ANK3: variants seen among roughly 807,000 people sequenced by gnomAD.
ANK3 encodes ankyrin-3.
Under a neutral mutation model 370.9 loss-of-function variants are expected in ANK3, and 57 were observed. The observed-to-expected ratio is 0.15, with a 90% confidence interval of 0.12 to 0.19. ANK3 has a LOEUF of 0.19. Ranked by LOEUF, ANK3 falls within the 10% of genes least tolerant of loss-of-function variation. The pLI is 1.00. For missense variants in ANK3, 4,439 were observed against 5,302.1 expected, an observed-to-expected ratio of 0.84 and a Z score of 5.06; for synonymous variants, 1,929 against 1,946.3, an observed-to-expected ratio of 0.99 and a Z score of 0.23.
chr10:60,029,869 CTTTTTCTTTT>C (rs2072893747), intron 43 of ANK3, 43 bp from the exon 44 acceptor site: 5 of 39,388 alleles, frequency 1.3e-4, no homozygotes, highest in African/African-American at 3.2e-4. Flanking sequence ...CTTTCTTTTT[CTTTTTCTTTT>C]TTTTTTTTTT....
intron 1 of ANK3, among the ~76,000 whole-genome samples, chr10:60,309,525 A>AC (rs1333040255): frequency 1.3e-5 from 2 of 152,154 alleles, no homozygotes; most frequent in African/African-American, 4.8e-5. Context: ...GAAGAACAAG[A>AC]CCTTTAAAGT....
rs56087324 is a variant in ANK3, at chr10:60,716,387, TA to T, written c.57+16875del. Among the ~76,000 whole-genome samples the T allele has an allele frequency of 8.7e-3, 1,314 of 151,544 alleles. 13 individuals carry two copies. The highest frequency in any genetic ancestry group is 0.021 in the Middle Eastern group (6 of 292). On this transcript the variant is annotated intron_variant, in intron 1 of 43. Transcript: ENST00000373827. ...CCAAAGTATGCACTTAAATATAGGT[TA>T]AAAAAAAATTTCAAAGACAGTAGGG...
intron 2 of ANK3, among the ~76,000 whole-genome samples, chr10:60,481,769 C>T (rs1198067720): frequency 6.6e-6 from 1 of 152,082 alleles, no homozygotes; most frequent in East Asian, 1.9e-4. Flanking sequence ...CGGCCACAAG[C>T]CAGATATTTG....
chr10:60,395,582 T>C (rs925496179), intron 2 of ANK3, among the ~76,000 whole-genome samples: 27 of 126,398 alleles, frequency 2.1e-4, no homozygotes, highest in African/African-American at 7.4e-4. Flanking sequence ...CTTTCTTTCT[T>C]TCTTTCTTTC....
At position 60,093,812 on chromosome 10, in the gene ANK3, A is replaced by G. The variant is rs376741803; in HGVS notation, c.3329-5454T>C. 6.6e-5 allele frequency among the ~76,000 whole-genome samples: 10 copies of G among 152,328 alleles called. No individual in the cohort carries two copies. In the East Asian group the frequency reaches 1.7e-3, roughly 26 times the overall value. On this transcript the variant is annotated intron_variant, in intron 28 of 43. Transcript: ENST00000280772. The stretch of plus-strand genomic sequence containing the variant: ...AGTGGAAATGCTCAGATTTCTAACT[A>G]TATAAACAGAGAAGCTCCGAGGAGA...
intron 1 of ANK3, among the ~76,000 whole-genome samples, chr10:60,302,855 C>T (rs1361068129): frequency 6.6e-6 from 1 of 150,520 alleles, no homozygotes; most frequent in Admixed American, 6.6e-5. Context: ...AAAAAAAAAA[C>T]CCAGACAATT....
intron 1 of ANK3, among the ~76,000 whole-genome samples, chr10:60,283,262 A>G (rs2098193017): frequency 6.6e-6 from 1 of 152,168 alleles, no homozygotes; most frequent in South Asian, 2.1e-4. Context: ...TAGACTCAGT[A>G]TCAGTGGGTT....
intron 23 of ANK3, among the ~76,000 whole-genome samples, chr10:60,141,561 G>GTTTTTTTTTTTTTTTT (rs36033791): frequency 1.4e-4 from 7 of 49,028 alleles, no homozygotes; most frequent in African/African-American, 6.5e-4. Flanking sequence ...TTCAATTGCT[G>GTTTTTTTTTTTTTTTT]TTTTTTTTTT....
rs2096619314 is a variant in ANK3 at position 60,198,324 on chromosome 10, A to G, written c.1689+16T>C. ...TTTGGGGGGACAGAGCAGGATTCTG[A>G]GATTTGCTTTCATACCTTTGTTGTT... On this transcript the variant is annotated intron_variant, in intron 14 of 43. Coordinates refer to ENST00000280772, the MANE Select transcript of ANK3 (RefSeq NM_020987.5). 2.5e-6 allele frequency: 4 copies of G among 1,613,816 alleles called. No homozygotes were observed. Among genetic ancestry groups the G allele is most frequent in the Non-Finnish European group, 3.4e-6 (4 of 1,179,748 alleles).
chr10:60,051,626 G>A (rs1258587105), intron 42 of ANK3: 2 of 636,578 alleles, frequency 3.1e-6, no homozygotes, highest in African/African-American at 2.0e-5. Context: ...TCTGAGAAGG[G>A]AAATCAAGAA....
At chr10:60,474,814 G>T (rs77033453) in intron 2 of ANK3, among the ~76,000 whole-genome samples, 2 of 152,000 alleles carry the variant, frequency 1.3e-5, no homozygotes. Context: ...TGTATTCACA[G>T]AAAAAAGTAT....
At chr10:60,483,480 GCTCATGTTC>G (rs1174740748) in intron 2 of ANK3, among the ~76,000 whole-genome samples, 1 of 152,028 alleles carries the variant, frequency 6.6e-6, no homozygotes, top group African/African-American at 2.4e-5. Flanking sequence ...CTTTACTCAG[GCTCATGTTC>G]CTTCAAAGAT....
intron 1 of ANK3, among the ~76,000 whole-genome samples, chr10:60,653,044 A>C (rs2078812889): frequency 6.6e-6 from 1 of 152,112 alleles, no homozygotes; most frequent in Non-Finnish European, 1.5e-5. Flanking sequence ...AGACCTCTAT[A>C]ATTTCTAGGT....
intron 2 of ANK3, among the ~76,000 whole-genome samples, chr10:60,420,142 T>C (rs1158106187): frequency 2.6e-5 from 4 of 152,202 alleles, no homozygotes; most frequent in East Asian, 1.9e-4. Flanking sequence ...TTATATACCA[T>C]AGGGAAGACC....
chr10:60,453,700 G>C (rs1157404150), intron 2 of ANK3, among the ~76,000 whole-genome samples: 1 of 151,804 alleles, frequency 6.6e-6, no homozygotes, highest in East Asian at 1.9e-4. Context: ...AAACTGATAG[G>C]AAACAGCCTC....
intron 28 of ANK3, among the ~76,000 whole-genome samples, chr10:60,105,595 CATT>C (rs1251439789): frequency 6.6e-6 from 1 of 152,118 alleles, no homozygotes. Context: ...GCATACTTTC[CATT>C]ATTATTTCAC....
chr10:60,472,105 T>G (rs761883225), intron 2 of ANK3, among the ~76,000 whole-genome samples: 1 of 152,144 alleles, frequency 6.6e-6, no homozygotes, highest in Non-Finnish European at 1.5e-5. Context: ...AAGTGAAGCT[T>G]ATGACAAATG....
At position 60,412,170 on chromosome 10, in the gene ANK3, G is replaced by A. The variant is rs116837497; in HGVS notation, c.97-132531C>T. ...GTTAATTTTTTTCGTCAACTTGACTGGCCGTGCAGGGTGCTCGGGGTGCAT... is the reference window on the plus strand; with the variant it reads ...GTTAATTTTTTTCGTCAACTTGACTAGCCGTGCAGGGTGCTCGGGGTGCAT... On this transcript the variant is annotated intron_variant, in intron 2 of 43. Transcript: ENST00000373827. 3.7e-3 allele frequency among the ~76,000 whole-genome samples: 562 copies of A among 152,196 alleles called. 4 individuals are homozygous for A. Among genetic ancestry groups the A allele is most frequent in the African/African-American group, 0.013 (533 of 41,524 alleles).
intron 8 of ANK3, among the ~76,000 whole-genome samples, chr10:60,217,454 C>T (rs763089838): frequency 1.8e-4 from 27 of 151,982 alleles, no homozygotes; most frequent in Non-Finnish European, 3.2e-4. Context: ...TCTGGTACAT[C>T]GTCTCTCTGT....
Sources: allele counts gnomAD v4.1 joint callset (sites outside exome capture counted in the v4.1 genomes callset), GRCh38; gene constraint gnomAD v4.1.1; transcripts MANE v1.5; gene names NCBI Gene and HGNC (gene_info 2026-07-23, HGNC 2026-07-21).